The following CDH10 variants were observed in gnomAD, a reference collection of about 807,000 sequenced individuals.
CDH10 encodes the protein cadherin-10.
Under a neutral mutation model 73.1 loss-of-function variants are expected in CDH10, and 30 were observed. That is an observed-to-expected ratio of 0.41 (90% confidence interval 0.31 to 0.56). The LOEUF (loss-of-function observed/expected upper bound fraction) is 0.56, where lower values mean the gene tolerates loss of function less well. CDH10 is among the 20% of genes least tolerant of loss of function. The probability of loss-of-function intolerance (pLI) is 0.27; values close to 1 mark genes in which losing one functional copy is unlikely to be tolerated. For synonymous variants in CDH10, 345 were observed against 348.2 expected (o/e 0.99, Z 0.10); for missense variants, 815 against 973.7 (o/e 0.84, Z 2.17).
intron 1 of CDH10, among the ~76,000 whole-genome samples, chr5:24,595,774 C>T (rs1359401908): frequency 1.3e-5 from 2 of 151,858 alleles, no homozygotes; most frequent in Admixed American, 1.3e-4. Flanking sequence ...TAAAAATTGT[C>T]AGCAATTCTA....
At chr5:24,539,972 G>A (rs1387004995) in intron 2 of CDH10, among the ~76,000 whole-genome samples, 1 of 152,014 alleles carries the variant, frequency 6.6e-6, no homozygotes, top group African/African-American at 2.4e-5. Flanking sequence ...TTGATGAGCT[G>A]TTATGGTTTA....
intron 1 of CDH10, among the ~76,000 whole-genome samples, chr5:24,638,160 G>A (rs551262671): frequency 5.3e-5 from 8 of 151,200 alleles, no homozygotes; most frequent in South Asian, 4.2e-4. Flanking sequence ...CATTTCTGCC[G>A]TTTTTTTAAG....
intron 1 of CDH10, among the ~76,000 whole-genome samples, chr5:24,637,093 C>T (rs891840694): frequency 6.6e-6 from 1 of 151,876 alleles, no homozygotes; most frequent in Non-Finnish European, 1.5e-5. Flanking sequence ...GCACCTAGTA[C>T]TTATCTTTCT....
intron 5 of CDH10, among the ~76,000 whole-genome samples, chr5:24,533,680 G>A (rs1743831219): frequency 6.6e-6 from 1 of 151,996 alleles, no homozygotes; most frequent in African/African-American, 2.4e-5. Flanking sequence ...CTAAGAGGTG[G>A]TCAAAAATAC....
chr5:24,492,112 T>A (rs538113750), intron 10 of CDH10, among the ~76,000 whole-genome samples: 67 of 152,286 alleles, frequency 4.4e-4, no homozygotes, highest in African/African-American at 1.6e-3. Flanking sequence ...AGATTACAGA[T>A]GATAACAACT....
chr5:24,613,941 C>A (rs1369293251), intron 1 of CDH10, among the ~76,000 whole-genome samples: 3 of 151,936 alleles, frequency 2.0e-5, no homozygotes, highest in Non-Finnish European at 4.4e-5. Context: ...AGGACAAATT[C>A]GACTTTGCAT....
intron 1 of CDH10, among the ~76,000 whole-genome samples, chr5:24,615,214 A>C (rs568230461): frequency 6.6e-6 from 1 of 152,324 alleles, no homozygotes; most frequent in African/African-American, 2.4e-5. Flanking sequence ...TTTCTGCATC[A>C]GAATTTTTGC....
chr5:24,605,510 C>G lies in CDH10; in HGVS notation c.-123-11897G>C, dbSNP rs1407610782. Among the ~76,000 whole-genome samples the G allele has an allele frequency of 2.6e-5, 4 of 152,328 alleles. No homozygotes were observed. In the East Asian group the frequency reaches 7.7e-4, roughly 29 times the overall value. On this transcript the variant is annotated intron_variant, in intron 1 of 11. Coordinates refer to ENST00000264463, the MANE Select transcript of CDH10 (RefSeq NM_006727.5). ...CATCCTGAAATGATTCCCCCAACAC[C>G]TCCTCCCATCCATAGAAAAACTGTC...
intron 2 of CDH10, among the ~76,000 whole-genome samples, chr5:24,562,744 A>T (rs1011484939): frequency 1.3e-5 from 2 of 152,178 alleles, no homozygotes; most frequent in Non-Finnish European, 2.9e-5. Context: ...AACACTAGAG[A>T]TCCTAACCAC....
intron 1 of CDH10, among the ~76,000 whole-genome samples, chr5:24,614,186 C>A (rs1381958378): frequency 1.3e-5 from 2 of 152,118 alleles, no homozygotes; most frequent in African/African-American, 4.8e-5. Flanking sequence ...TAATTACTCT[C>A]TATTGATAGG....
rs549699820 is a variant in CDH10, at chr5:24,506,135, A to G, written c.1257-887T>C. Among the ~76,000 whole-genome samples the G allele has an allele frequency of 1.8e-3, 272 of 152,080 alleles. 1 individual carries two copies. The highest frequency in any genetic ancestry group is 6.0e-3 in the African/African-American group (251 of 41,514). ...GTCAAAAAAAAAAAAAAAAAGGAAA[A>G]GAAAAGAAAAGTAGTTTGGGATAAG... On this transcript the variant is annotated intron_variant, in intron 7 of 11. Coordinates refer to ENST00000264463, the MANE Select transcript of CDH10 (RefSeq NM_006727.5).
intron 1 of CDH10, among the ~76,000 whole-genome samples, chr5:24,633,694 A>C (rs1262076895): frequency 6.6e-6 from 1 of 151,884 alleles, no homozygotes; most frequent in Non-Finnish European, 1.5e-5. Context: ...AATATTGTTT[A>C]AAAGATTTCA....
At chr5:24,528,607 GTCAGTCGT>G (rs1278739793) in intron 5 of CDH10, among the ~76,000 whole-genome samples, 1 of 151,934 alleles carries the variant, frequency 6.6e-6, no homozygotes, top group African/African-American at 2.4e-5. Flanking sequence ...CAGAAAAGAG[GTCAGTCGT>G]GTTTGGTCCT....
intron 1 of CDH10, among the ~76,000 whole-genome samples, chr5:24,628,085 T>C (rs1360929792): frequency 6.6e-6 from 1 of 152,130 alleles, no homozygotes; most frequent in Non-Finnish European, 1.5e-5. Context: ...CAAATTGTTT[T>C]CCCAGGGGAA....
chr5:24,584,899 T>A (rs1026378098), intron 2 of CDH10, among the ~76,000 whole-genome samples: 2 of 151,824 alleles, frequency 1.3e-5, no homozygotes, highest in Non-Finnish European at 2.9e-5. Flanking sequence ...CAGGCTGGAG[T>A]GCAGTGGCAT....
chr5:24,575,837 G>C (rs1421151472), intron 2 of CDH10, among the ~76,000 whole-genome samples: 1 of 151,920 alleles, frequency 6.6e-6, no homozygotes, highest in African/African-American at 2.4e-5. Context: ...CCATTATTCT[G>C]TTCTTGAGAG....
At chr5:24,503,382 G>A (rs1478878111) in intron 8 of CDH10, among the ~76,000 whole-genome samples, 1 of 152,188 alleles carries the variant, frequency 6.6e-6, no homozygotes, top group African/African-American at 2.4e-5. Context: ...AATTTGAACA[G>A]GTTTGCATGT....
At chr5:24,494,963 T>C (rs1430223114) in intron 9 of CDH10, among the ~76,000 whole-genome samples, 1 of 152,136 alleles carries the variant, frequency 6.6e-6, no homozygotes, top group Non-Finnish European at 1.5e-5. Context: ...AGGTTTTTTT[T>C]TCCTTTAAGA....
At chr5:24,526,169 G>A (rs1206476545) in intron 5 of CDH10, among the ~76,000 whole-genome samples, 1 of 151,946 alleles carries the variant, frequency 6.6e-6, no homozygotes, top group East Asian at 1.9e-4. Context: ...CCTACTGAGG[G>A]ATACTGTCCA....
Sources: allele counts gnomAD v4.1 joint callset (sites outside exome capture counted in the v4.1 genomes callset), GRCh38; gene constraint gnomAD v4.1.1; transcripts MANE v1.5; gene names NCBI Gene and HGNC (gene_info 2026-07-23, HGNC 2026-07-21).